Variants in SI observed in about 807,000 individuals in gnomAD.
SI encodes the protein sucrase-isomaltase.
A neutral mutation model predicts 253.3 loss-of-function variants in SI; 235 were observed. The ratio of observed to expected loss-of-function variants is 0.93; its 90% CI spans 0.83 to 1.03. The LOEUF (loss-of-function observed/expected upper bound fraction) is 1.03, where lower values mean the gene tolerates loss of function less well. Ranked by LOEUF, SI falls within the 50% of genes least tolerant of loss-of-function variation. The pLI is 0.00. For synonymous variants in SI, 819 were observed against 712.0 expected, an observed-to-expected ratio of 1.15 and a Z score of -2.39; for missense variants, 2,442 against 2,211.1, an observed-to-expected ratio of 1.10 and a Z score of -2.09.
chr3:165,031,473 A>G (rs1175450651), intron 24 of SI, among the ~76,000 whole-genome samples: 1 of 149,462 alleles, frequency 6.7e-6, no homozygotes, highest in East Asian at 1.9e-4. Flanking sequence ...TTTAATCTCT[A>G]TTAGAGTCAT....
At chr3:165,054,103 G>A (rs1713569639) in intron 13 of SI, among the ~76,000 whole-genome samples, 1 of 151,708 alleles carries the variant, frequency 6.6e-6, no homozygotes, top group Non-Finnish European at 1.5e-5. Flanking sequence ...ATAGATACAT[G>A]GTGCAAAATA....
chr3:165,048,768 C>A (rs1373107657), intron 15 of SI, among the ~76,000 whole-genome samples: 1 of 151,736 alleles, frequency 6.6e-6, no homozygotes, highest in Non-Finnish European at 1.5e-5. Context: ...CAGGTGCCTG[C>A]CACCTCGCCC....
At chr3:165,014,025 C>A (rs941381194) in intron 33 of SI, among the ~76,000 whole-genome samples, 1 of 152,124 alleles carries the variant, frequency 6.6e-6, no homozygotes, top group African/African-American at 2.4e-5. Flanking sequence ...CTGTGCCCAG[C>A]CCTGTCTATA....
At chr3:165,047,136 C>T in intron 15 of SI, 124 bp from the exon 16 acceptor site, 2 of 701,582 alleles carry the variant, frequency 2.9e-6, no homozygotes, top group Non-Finnish European at 4.7e-6. Context: ...ACCCAAATCT[C>T]ATCTTGAATT....
At chr3:165,018,465 G>A (rs895247378) in intron 28 of SI, among the ~76,000 whole-genome samples, 6 of 150,554 alleles carry the variant, frequency 4.0e-5, no homozygotes, top group Admixed American at 6.7e-5. Flanking sequence ...TTTTTCCATA[G>A]TAAAATGTCC....
chr3:165,021,401 T>C lies in SI; in HGVS notation c.3100-18A>G. 1 of 1,596,830 alleles carries C rather than the reference T, an allele frequency of 6.3e-7. No individual in the cohort carries two copies. The highest frequency in any genetic ancestry group is 8.6e-7 in the Non-Finnish European group (1 of 1,165,318). On this transcript the variant is annotated intron_variant, in intron 26 of 47. Coordinates refer to ENST00000264382, the MANE Select transcript of SI (RefSeq NM_001041.4). ...TCATAAATCTATTGCAGATAAGTAG[T>C]AAAAAAGTTTATTCTGATTGCTGAC...
At chr3:165,040,838 A>T in intron 18 of SI, 102 bp downstream of exon 18, 1 of 909,802 alleles carries the variant, frequency 1.1e-6, no homozygotes, top group Non-Finnish European at 1.8e-6. Context: ...AACAAGCAGC[A>T]GAAGTTTAAT....
At position 165,009,247 on chromosome 3, in the gene SI, C is replaced by T. The variant is rs377487807; in HGVS notation, c.4179+32G>A. On this transcript the variant is annotated intron_variant, in intron 35 of 47. Coordinates refer to ENST00000264382, the MANE Select transcript of SI (RefSeq NM_001041.4). The stretch of plus-strand genomic sequence containing the variant: ...TGCATAATCACTGCACAATAAATAA[C>T]TTAAAACATAGATTGTTCAAAGCTT... 3 of 1,413,544 alleles carry T rather than the reference C, an allele frequency of 2.1e-6. No homozygotes were observed. The East Asian group carries it at 6.8e-5, about 32-fold the overall frequency. 87.6% of individuals were successfully genotyped at this position (1,413,544 alleles called of 1,614,324 possible). A position where few individuals can be genotyped will look rare whatever the true frequency, so the allele number is the denominator to read the frequency against.
Position 165,021,370 on chromosome 3 carries a change from T to C in SI, c.3113A>G (p.Gln1038Arg), listed in dbSNP as rs1176447085. The change falls in exon 27 of 48, where the codon CAA becomes CGA. Residue 1038 changes from glutamine to arginine, a missense_variant. Transcript: ENST00000264382. ...DMLQFKIYDP[Q>R]KKRYEVPVPL... ...TACTGGTACTTCATATCTCTTCTTT[T>C]GGGGATCATAAATCTATTGCAGATA... is the stretch of plus-strand genomic sequence containing the variant. 1.2e-6 allele frequency: 2 copies of C among 1,610,154 alleles called. No individual in the cohort carries two copies. Among genetic ancestry groups the C allele is most frequent in the Non-Finnish European group, 1.7e-6 (2 of 1,177,102 alleles).
At chr3:165,089,531 A>C in the SI span, among the ~76,000 whole-genome samples, 4 of 152,152 alleles carry the variant, frequency 2.6e-5, no homozygotes, top group African/African-American at 9.6e-5. Context: ...GGGGAGCAGG[A>C]GCAGAGAGAA....
Position 164,982,211 on chromosome 3 carries a change from G to A in SI, c.5415+32C>T, listed in dbSNP as rs768164870. On this transcript the variant is annotated intron_variant, in intron 47 of 47. Transcript: ENST00000264382. ...CCATGTAGATGCTTTAAATACGTAC[G>A]CTTTTGAAAAATATTTTCTTACATT... 3.2e-5 allele frequency: 51 copies of A among 1,574,614 alleles called. 1 individual carries two copies. In the Middle Eastern group the frequency reaches 5.1e-4, roughly 16 times the overall value.
chr3:165,015,332 A>G, intron 32 of SI, 99 bp from the exon 33 acceptor site: 6 of 774,646 alleles, frequency 7.7e-6, no homozygotes, highest in Non-Finnish European at 1.1e-5. Flanking sequence ...ACATTATCAT[A>G]ATAATGTGCT....
At position 165,037,989 on chromosome 3, in the gene SI, A is replaced by T; in HGVS notation, c.2337T>A (p.Asp779Glu). 6.2e-7 allele frequency: 1 copy of T among 1,607,682 alleles called. No homozygotes were observed. Among genetic ancestry groups the T allele is most frequent in the Non-Finnish European group, 8.5e-7 (1 of 1,174,762 alleles). Reference protein sequence around the residue: ...AKRPWRKQRVDMYLPADKIGL... With the variant: ...AKRPWRKQRVEMYLPADKIGL... ...CTATTTTGTCTGCTGGAAGATACAT[A>T]TCAACCCGTTGTTTCCTCCATGGCC... The change falls in exon 21 of 48, where the codon GAT becomes GAA. Residue 779 changes from aspartate to glutamate, a missense_variant. Transcript: ENST00000264382.
intron 47 of SI, among the ~76,000 whole-genome samples, chr3:164,981,402 T>C (rs1717185964): frequency 6.6e-6 from 1 of 152,068 alleles, no homozygotes; most frequent in African/African-American, 2.4e-5. Context: ...TAGGACTGTG[T>C]CCAAATGCAT....
chr3:165,026,691 T>C (rs1048934967), intron 25 of SI, among the ~76,000 whole-genome samples: 5 of 151,494 alleles, frequency 3.3e-5, no homozygotes, highest in East Asian at 1.9e-4. Context: ...TGCAAATACA[T>C]GCAAATTAAA....
intron 37 of SI, among the ~76,000 whole-genome samples, chr3:165,000,445 C>T (rs1718205474): frequency 6.6e-6 from 1 of 151,288 alleles, no homozygotes; most frequent in African/African-American, 2.4e-5. Flanking sequence ...TTTAAATGTT[C>T]TCACTACAAA....
In SI at chr3:165,075,959, G is replaced by T; in HGVS notation, c.54C>A (p.Val18=). 1 of 1,596,618 alleles carries T rather than the reference G, an allele frequency of 6.3e-7. No homozygotes were observed. The highest frequency in any genetic ancestry group is 1.1e-5 in the South Asian group (1 of 88,874). Residue 18 remains valine (V), a synonymous_variant, in exon 2 of 48, where the codon GTC becomes GTA. Transcript: ENST00000264382. The stretch of plus-strand genomic sequence containing the variant: ...AGGCAATAGCTATTATAGTAACTAT[G>T]ACAAAAAGGACAATCAGAGAGATTT... ...GLEISLIVLF[V]IVTIIAIALI...
chr3:165,067,131 T>C (rs1426220807), intron 6 of SI, among the ~76,000 whole-genome samples: 2 of 151,944 alleles, frequency 1.3e-5, no homozygotes, highest in African/African-American at 4.8e-5. Context: ...TTCATCTTTG[T>C]TCAACCTTTA....
rs754001512 is a variant in SI, at chr3:165,017,684, A to T, written c.3634-11T>A. 9 of 1,612,092 alleles carry T rather than the reference A, an allele frequency of 5.6e-6. No individual in the cohort carries two copies. The African/African-American group carries it at 1.2e-4, about 22-fold the overall frequency. ...TGGATGGCCAATTACCTTTAAAAAA[A>T]ATTCATGTGTGAACTAAGAGAATTA... is the stretch of plus-strand genomic sequence containing the variant. On this transcript the variant is annotated splice_polypyrimidine_tract_variant and intron_variant, in intron 30 of 47. Transcript: ENST00000264382.
Sources: allele counts gnomAD v4.1 joint callset (sites outside exome capture counted in the v4.1 genomes callset), GRCh38; gene constraint gnomAD v4.1.1; transcripts MANE v1.5; gene names NCBI Gene and HGNC (gene_info 2026-07-23, HGNC 2026-07-21).